LRPPRC: variants seen among roughly 807,000 people sequenced by gnomAD.
LRPPRC encodes the protein leucine-rich PPR motif-containing protein, mitochondrial.
In LRPPRC, 120 loss-of-function variants were observed where a neutral mutation model predicts 180.3. The ratio of observed to expected loss-of-function variants is 0.67; its 90% CI spans 0.57 to 0.77. LRPPRC has a LOEUF of 0.77. Ranked by LOEUF, LRPPRC falls within the 30% of genes least tolerant of loss-of-function variation. The pLI is 0.00. For synonymous variants in LRPPRC, 723 were observed against 600.0 expected, an observed-to-expected ratio of 1.21 and a Z score of -3.00; for missense variants, 2,012 against 1,657.2, an observed-to-expected ratio of 1.21 and a Z score of -3.72.
chr2:43,968,321 A>G (rs544356252), intron 11 of LRPPRC, among the ~76,000 whole-genome samples: 1 of 152,222 alleles, frequency 6.6e-6, no homozygotes, highest in African/African-American at 2.4e-5. Flanking sequence ...ATGCAAGGCA[A>G]TATGTGTCGA....
intron 14 of LRPPRC, among the ~76,000 whole-genome samples, chr2:43,952,133 C>A (rs955031426): frequency 1.3e-5 from 2 of 150,948 alleles, no homozygotes; most frequent in Non-Finnish European, 3.0e-5. Flanking sequence ...GCGGAGGTTG[C>A]GGTGAGCCAA....
chr2:43,921,942 A>G (rs1413413952), intron 27 of LRPPRC, among the ~76,000 whole-genome samples: 1 of 152,238 alleles, frequency 6.6e-6, no homozygotes, highest in African/African-American at 2.4e-5. Flanking sequence ...TGACTCTTGG[A>G]TAGACTACTA....
chr2:43,952,666 T>A (rs560549457), intron 14 of LRPPRC, among the ~76,000 whole-genome samples: 2 of 152,332 alleles, frequency 1.3e-5, no homozygotes, highest in East Asian at 1.9e-4. Context: ...AGGTTCTAAG[T>A]GCATTATATT....
At chr2:43,904,981 C>A (rs937614008) in intron 31 of LRPPRC, among the ~76,000 whole-genome samples, 16 of 151,990 alleles carry the variant, frequency 1.1e-4, no homozygotes, top group Admixed American at 5.2e-4. Flanking sequence ...ATTCATAAGA[C>A]CTCCACATCC....
chr2:43,932,840 C>T (rs764717398), intron 25 of LRPPRC, among the ~76,000 whole-genome samples: 18 of 152,128 alleles, frequency 1.2e-4, no homozygotes, highest in South Asian at 2.1e-4. Flanking sequence ...GATGGCAAAA[C>T]AAGAAATCAC....
intron 23 of LRPPRC, among the ~76,000 whole-genome samples, chr2:43,942,693 C>A (rs1672525729): frequency 6.6e-6 from 1 of 151,938 alleles, no homozygotes. Flanking sequence ...TTGGGGAAAA[C>A]ATGAGAACCG....
rs749977911 is a variant in LRPPRC, at chr2:43,889,895, T to A, written c.3986-19A>T. 2 of 1,578,032 alleles carry A rather than the reference T, an allele frequency of 1.3e-6. No individual in the cohort carries two copies. The highest frequency in any genetic ancestry group is 1.3e-5 in the African/African-American group (1 of 74,242). On this transcript the variant is annotated intron_variant, in intron 36 of 37. Coordinates refer to ENST00000260665, the MANE Select transcript of LRPPRC (RefSeq NM_133259.4). ...TCTGAGACTGACATAAAGAAAAAAA[T>A]ATATTAATCAGAGATAAAGACAACC...
intron 20 of LRPPRC, 104 bp from the exon 21 acceptor site, chr2:43,946,347 T>G: frequency 1.2e-6 from 1 of 829,400 alleles, no homozygotes; most frequent in East Asian, 2.6e-5. Flanking sequence ...AATAGTACTT[T>G]AAAAATAAAT....
intron 14 of LRPPRC, among the ~76,000 whole-genome samples, chr2:43,956,833 T>C (rs1244417878): frequency 6.6e-6 from 1 of 152,122 alleles, no homozygotes. Flanking sequence ...GACGTCGCAG[T>C]GAGCCAGGAT....
chr2:43,956,073 A>G (rs1281523605), intron 14 of LRPPRC, among the ~76,000 whole-genome samples: 14 of 136,154 alleles, frequency 1.0e-4, no homozygotes, highest in East Asian at 1.0e-3. Context: ...TCATCATGGG[A>G]AAAAAAAAAA....
Position 43,970,287 on chromosome 2 carries a change from A to G in LRPPRC, c.1369+3320T>C, listed in dbSNP as rs992294679. Among the ~76,000 whole-genome samples, 4 of 152,282 alleles carry G rather than the reference A, an allele frequency of 2.6e-5. 1 individual carries two copies. In the South Asian group the frequency reaches 8.3e-4, roughly 32 times the overall value. On this transcript the variant is annotated intron_variant, in intron 11 of 37. Transcript: ENST00000260665. ...ATTTTTAACTTACATTATCTTTCTAACTGAAACTAAAGCAGGCTCAAGAAA... is the reference window on the plus strand; with the variant it reads ...ATTTTTAACTTACATTATCTTTCTAGCTGAAACTAAAGCAGGCTCAAGAAA...
chr2:43,985,757 A>G (rs962668190), intron 1 of LRPPRC, among the ~76,000 whole-genome samples: 4 of 152,214 alleles, frequency 2.6e-5, no homozygotes, highest in Admixed American at 6.5e-5. Context: ...GTTGCTTCCA[A>G]TTTTTGACAA....
chr2:43,943,874 C>T lies in LRPPRC; in HGVS notation c.2317G>A (p.Glu773Lys). Residue 773 changes from glutamate to lysine, a missense_variant, in exon 23 of 38, where the codon GAG becomes AAG. Glu to Lys is a moderately conservative substitution (Grantham distance 56). Coordinates refer to ENST00000260665, the MANE Select transcript of LRPPRC (RefSeq NM_133259.4). ...KLQDAINILK[E>K]MKEKDVLIKD... ...ATAAGAACATCCTTCTCTTTCATCT[C>T]CTTCAGAATGTTAATAGCATCTACA... The T allele has an allele frequency of 6.2e-7, 1 of 1,612,748 alleles. No individual in the cohort carries two copies. The highest frequency in any genetic ancestry group is 8.5e-7 in the Non-Finnish European group (1 of 1,178,922).
chr2:43,988,513 G>A (rs1674632645), intron 1 of LRPPRC, among the ~76,000 whole-genome samples: 1 of 152,170 alleles, frequency 6.6e-6, no homozygotes, highest in African/African-American at 2.4e-5. Context: ...TTCAATCTGG[G>A]CAGTAAGAGC....
intron 24 of LRPPRC, 47 bp from the exon 25 acceptor site, chr2:43,934,343 C>T: frequency 1.2e-6 from 1 of 859,544 alleles, no homozygotes; most frequent in African/African-American, 1.7e-5. Flanking sequence ...AAAAAAAACC[C>T]AGAAAAACAG....
chr2:43,990,563 C>T (rs970620009), intron 1 of LRPPRC, among the ~76,000 whole-genome samples: 6 of 152,166 alleles, frequency 3.9e-5, no homozygotes, highest in Admixed American at 2.0e-4. Flanking sequence ...CACAGCTACA[C>T]GGGATAAACG....
At chr2:43,928,818 C>A (rs971040018) in intron 25 of LRPPRC, among the ~76,000 whole-genome samples, 26 of 152,006 alleles carry the variant, frequency 1.7e-4, no homozygotes, top group African/African-American at 5.6e-4. Flanking sequence ...CCAAGTACAA[C>A]TGACCCTTGA....
At chr2:43,952,732 G>A (rs1672954101) in intron 14 of LRPPRC, among the ~76,000 whole-genome samples, 1 of 152,094 alleles carries the variant, frequency 6.6e-6, no homozygotes, top group African/African-American at 2.4e-5. Flanking sequence ...TTTCCCAGAA[G>A]AGGAAACAAA....
At chr2:43,954,705 A>T (rs1673038267) in intron 14 of LRPPRC, among the ~76,000 whole-genome samples, 1 of 152,208 alleles carries the variant, frequency 6.6e-6, no homozygotes, top group Admixed American at 6.5e-5. Flanking sequence ...ATACATATGG[A>T]CATAATATGT....
Sources: allele counts gnomAD v4.1 joint callset (sites outside exome capture counted in the v4.1 genomes callset), GRCh38; gene constraint gnomAD v4.1.1; transcripts MANE v1.5; gene names NCBI Gene and HGNC (gene_info 2026-07-23, HGNC 2026-07-21).